PRDM2: variants seen among roughly 807,000 people sequenced by gnomAD.
The protein encoded by PRDM2 is PR domain zinc finger protein 2.
In PRDM2, 30 loss-of-function variants were observed where a neutral mutation model predicts 130.0. The observed-to-expected ratio is 0.23, with a 90% CI of 0.17 to 0.31. The LOEUF (loss-of-function observed/expected upper bound fraction) is 0.31. Ranked by LOEUF, PRDM2 falls within the 10% of genes least tolerant of loss-of-function variation. PRDM2 has a pLI of 1.00. For missense variants in PRDM2, 2,011 were observed against 2,108.4 expected (o/e 0.95, Z 0.90); for synonymous variants, 871 against 782.4 (o/e 1.11, Z -1.89).
At chr1:13,795,466 C>T (rs1644908766) in intron 8 of PRDM2, among the ~76,000 whole-genome samples, 1 of 152,166 alleles carries the variant, frequency 6.6e-6, no homozygotes, top group Non-Finnish European at 1.5e-5. Context: ...TGCTACCTCT[C>T]GTCTGTGGAT....
chr1:13,739,776 A>T (rs564050045), intron 4 of PRDM2, among the ~76,000 whole-genome samples: 3 of 152,048 alleles, frequency 2.0e-5, no homozygotes, highest in Admixed American at 6.5e-5. Context: ...ATATATATAT[A>T]TTTTTGGTCA....
intron 1 of PRDM2, among the ~76,000 whole-genome samples, chr1:13,711,084 CA>C (rs55784865): frequency 0.76 from 105,051 of 137,966 alleles, 39,085 homozygotes; most frequent in African/African-American, 0.84. Flanking sequence ...GGCTCTGTCT[CA>C]AAAAAAAAAA....
intron 8 of PRDM2, chr1:13,786,736 G>T: frequency 2.9e-5 from 41 of 1,408,854 alleles, no homozygotes; most frequent in Non-Finnish European, 3.8e-5. Context: ...CATGCTGGGC[G>T]CCCGGGTGAT....
intron 8 of PRDM2, among the ~76,000 whole-genome samples, chr1:13,790,129 C>T (rs1161797254): frequency 6.6e-6 from 1 of 152,194 alleles, no homozygotes; most frequent in Non-Finnish European, 1.5e-5. Flanking sequence ...ACAATGAGTC[C>T]ATTTAGGGCT....
Position 13,742,108 on chromosome 1 carries a change from A to G in PRDM2, c.335A>G (p.Asn112Ser). 6.2e-7 allele frequency: 1 copy of G among 1,613,956 alleles called. No individual in the cohort carries two copies. Among genetic ancestry groups the G allele is most frequent in the East Asian group, 2.2e-5 (1 of 44,888 alleles). ...TGGGCTTGCTCAGGAGAAGAGCAAA[A>G]TTTATTCCCACTGGAAATCAACAGA... ...VNWACSGEEQNLFPLEINRAI... is the reference protein window; with the variant it reads ...VNWACSGEEQSLFPLEINRAI... Residue 112 changes from asparagine (N) to serine (S), a missense_variant, in exon 5 of 10, where the codon AAT becomes AGT. Coordinates refer to ENST00000311066, the MANE Select transcript of PRDM2 (RefSeq NM_001393986.1).
chr1:13,800,172 A>G (rs1215374333), intron 8 of PRDM2, among the ~76,000 whole-genome samples: 1 of 152,016 alleles, frequency 6.6e-6, no homozygotes. Context: ...AAACTGTCAC[A>G]ATGTCCTACT....
Position 13,749,494 on chromosome 1 carries a change from G to C in PRDM2, c.511+7G>C, listed in dbSNP as rs1557617943. 4 of 1,373,236 alleles carry C rather than the reference G, an allele frequency of 2.9e-6. No homozygotes were observed. Among genetic ancestry groups the C allele is most frequent in the South Asian group, 2.6e-5 (2 of 77,720 alleles). The allele number at this position is 1,373,236 out of a possible 1,614,324, so 85.1% of individuals were successfully genotyped here. A position where few individuals can be genotyped will look rare whatever the true frequency, so the allele number is the denominator to read the frequency against. On this transcript the variant is annotated splice_region_variant and intron_variant, in intron 6 of 9. Transcript: ENST00000311066. ...TCCCCCAAGAGCCGGAAAGGTAGGA[G>C]CCCCCCGGCCCGCCCGCCCGGCCCC...
In PRDM2 at chr1:13,781,851, C is replaced by G; in HGVS notation, c.4056C>G (p.Ile1352Met). ...ATATGCCGGAGTTGCACAAACATAT[C>G]CTGGCTTGTGCTTCTGCAAGTGACA... Reference protein sequence around the residue: ...VDNMPELHKHILACASASDKK... With the variant: ...VDNMPELHKHMLACASASDKK... The change falls in exon 8 of 10, where the codon ATC becomes ATG. Residue 1352 changes from isoleucine (I) to methionine (M), a missense_variant. Around this residue, in one of 5 missense-constraint regions of PRDM2, gnomAD observed 229 missense variants for 364.1 expected, o/e 0.63. Transcript: ENST00000311066. This position sits in a 1 kb window ranked among gnomAD's most constrained non-coding sequence, Gnocchi z 6.1. 1 of 1,614,168 alleles carries G rather than the reference C, an allele frequency of 6.2e-7. No homozygotes were observed. Among genetic ancestry groups the G allele is most frequent in the Non-Finnish European group, 8.5e-7 (1 of 1,180,012 alleles).
rs1415479484 is a variant in PRDM2, at chr1:13,742,260, G to A, written c.384+103G>A. 7.0e-6 allele frequency: 9 copies of A among 1,287,908 alleles called. No individual in the cohort carries two copies. The Admixed American group carries it at 1.7e-4, about 24-fold the overall frequency. The allele number at this position is 1,287,908 out of a possible 1,614,324, so 79.8% of individuals were successfully genotyped here. On this transcript the variant is annotated intron_variant, in intron 5 of 9. Transcript: ENST00000311066. ...CTGTCTCTCAGGCTGGAGTGCAGGG[G>A]CTCCATCACGGCTCACTGCAGCCTA...
chr1:13,805,975 C>G (rs2100743179), intron 8 of PRDM2, among the ~76,000 whole-genome samples: 1 of 152,272 alleles, frequency 6.6e-6, no homozygotes, highest in Admixed American at 6.5e-5. Flanking sequence ...TTGAAGCGTC[C>G]TCTGGGTTCC....
intron 9 of PRDM2, 71 bp downstream of exon 9, chr1:13,816,641 G>T: frequency 2.6e-6 from 4 of 1,546,092 alleles, no homozygotes; most frequent in Non-Finnish European, 2.6e-6. Flanking sequence ...TGGGTCTTGG[G>T]TGGGGAGGGA....
rs543951043 is a variant in PRDM2 at position 13,800,349 on chromosome 1, C to T, written c.5037-16078C>T. Among the ~76,000 whole-genome samples, 6 of 152,292 alleles carry T rather than the reference C, an allele frequency of 3.9e-5. No homozygotes were observed. In the East Asian group the frequency reaches 7.7e-4, roughly 20 times the overall value. On this transcript the variant is annotated intron_variant, in intron 8 of 9. Transcript: ENST00000311066. ...ACATGAAAGAAGATGGGGCCTGGCA[C>T]CCATGGGAGGAGTGGGGCTCAGGAG...
chr1:13,749,298 C>T, intron 5 of PRDM2, 63 bp from the exon 6 acceptor site: 2 of 1,318,348 alleles, frequency 1.5e-6, no homozygotes, highest in South Asian at 1.5e-5. Flanking sequence ...CCGGTGCGCG[C>T]CCCGCCCCCG....
intron 2 of PRDM2, among the ~76,000 whole-genome samples, chr1:13,724,683 C>T (rs563511634): frequency 1.1e-4 from 17 of 151,876 alleles, no homozygotes; most frequent in Non-Finnish European, 1.5e-4. Flanking sequence ...TTAGTAGAGA[C>T]GGGGTTTCAC....
chr1:13,705,657 G>A (rs1275290936), intron 1 of PRDM2: 2 of 152,032 alleles, frequency 1.3e-5, no homozygotes, highest in East Asian at 1.9e-4. Flanking sequence ...TACTTTTCCC[G>A]GGAAGGTCGG....
chr1:13,711,953 G>C (rs544020788), intron 1 of PRDM2, among the ~76,000 whole-genome samples: 7 of 150,178 alleles, frequency 4.7e-5, no homozygotes, highest in Non-Finnish European at 1.0e-4. Flanking sequence ...TGTAGAAAGA[G>C]AAGATTATTA....
chr1:13,776,611 T>C (rs958166633), intron 7 of PRDM2, among the ~76,000 whole-genome samples: 2 of 152,218 alleles, frequency 1.3e-5, no homozygotes, highest in Non-Finnish European at 2.9e-5. Context: ...TGTTAGACAT[T>C]TGTCCCCACT....
intron 4 of PRDM2, among the ~76,000 whole-genome samples, chr1:13,734,877 G>A (rs1037873383): frequency 2.0e-5 from 3 of 152,148 alleles, no homozygotes; most frequent in Non-Finnish European, 2.9e-5. Flanking sequence ...GTATGTATAT[G>A]GCAAAGGAAG....
chr1:13,796,709 A>AC (rs1317799903), intron 8 of PRDM2, among the ~76,000 whole-genome samples: 3 of 152,172 alleles, frequency 2.0e-5, no homozygotes, highest in African/African-American at 7.2e-5. Context: ...CTATGATTGC[A>AC]CCACTGTGTT....
Sources: allele counts gnomAD v4.1 joint callset (sites outside exome capture counted in the v4.1 genomes callset), GRCh38; gene constraint gnomAD v4.1.1; regional missense constraint gnomAD v4.1.1; non-coding constraint Gnocchi (gnomAD v3.1); transcripts MANE v1.5; gene names NCBI Gene and HGNC (gene_info 2026-07-23, HGNC 2026-07-21).